TRIM36: variants seen among roughly 807,000 people sequenced by gnomAD.
The protein encoded by TRIM36 is tripartite motif containing 36, also known as E3 ubiquitin-protein ligase TRIM36.
Under a neutral mutation model 72.4 loss-of-function variants are expected in TRIM36, and 42 were observed. The ratio of observed to expected loss-of-function variants is 0.58; its 90% confidence interval spans 0.45 to 0.75. TRIM36 has a LOEUF of 0.75. Ranked by LOEUF, TRIM36 falls within the 30% of genes least tolerant of loss-of-function variation. The pLI is 0.00. For missense variants in TRIM36, 913 were observed against 857.1 expected (o/e 1.07, Z -0.81); for synonymous variants, 315 against 282.8 (o/e 1.11, Z -1.14).
chr5:115,127,135 G>C (rs894060944), intron 9 of TRIM36, among the ~76,000 whole-genome samples: 1 of 152,156 alleles, frequency 6.6e-6, no homozygotes, highest in Non-Finnish European at 1.5e-5. Context: ...AAAAAGTGAG[G>C]GAGCGGGCAG....
chr5:115,161,993 C>G (rs1754510308), intron 2 of TRIM36, among the ~76,000 whole-genome samples: 1 of 152,138 alleles, frequency 6.6e-6, no homozygotes, highest in African/African-American at 2.4e-5. Context: ...TCTGGACAGC[C>G]TTAGTGGGGT....
chr5:115,178,542 C>T (rs1326722429), intron 1 of TRIM36, among the ~76,000 whole-genome samples: 1 of 152,076 alleles, frequency 6.6e-6, no homozygotes, highest in African/African-American at 2.4e-5. Flanking sequence ...AAGGGTGGGC[C>T]GCAATATGCA....
chr5:115,165,538 G>A (rs1189873279), intron 1 of TRIM36, among the ~76,000 whole-genome samples: 1 of 152,194 alleles, frequency 6.6e-6, no homozygotes, highest in East Asian at 1.9e-4. Flanking sequence ...AGCCACAACT[G>A]GTACTGGAAC....
chr5:115,170,782 G>T (rs551349849), upstream of TRIM36, among the ~76,000 whole-genome samples: 3 of 152,348 alleles, frequency 2.0e-5, no homozygotes, highest in East Asian at 3.9e-4. Flanking sequence ...CGCCACCCGG[G>T]CCTACGCTTT....
chr5:115,136,288 G>C (rs2112795070), intron 7 of TRIM36, among the ~76,000 whole-genome samples: 1 of 14,296 alleles, frequency 7.0e-5, no homozygotes, highest in East Asian at 2.1e-3. Flanking sequence ...GAGGAGATTA[G>C]ATCTCTCTCA....
chr5:115,169,476 GCGGGATCCCCACA>G, intron 1 of TRIM36, 119 bp downstream of exon 1: 1 of 989,992 alleles, frequency 1.0e-6, no homozygotes, highest in Non-Finnish European at 1.4e-6. Flanking sequence ...CGAAGAGGAA[GCGGGATCCCCACA>G]CGCCTGCCTT....
At position 115,137,569 on chromosome 5, in the gene TRIM36, C is replaced by G; in HGVS notation, c.879G>C (p.Lys293Asn). 2 of 1,613,424 alleles carry G rather than the reference C, an allele frequency of 1.2e-6. No individual in the cohort carries two copies. The highest frequency in any genetic ancestry group is 1.7e-6 in the Non-Finnish European group (2 of 1,179,818). The change falls in exon 6 of 10, where the codon AAG becomes AAC. Residue 293 changes from lysine (K) to asparagine (N), a missense_variant. Physicochemically the swap from Lys to Asn is moderately conservative, Grantham distance 94. Coordinates refer to ENST00000513154, the MANE Select transcript of TRIM36 (RefSeq NM_001300759.2). ...TCCTCTCTTCCAGAACTTCAAAGAGCTTTTCAAAATGTGTAATTGCTTCTT... is the reference window on the plus strand; with the variant it reads ...TCCTCTCTTCCAGAACTTCAAAGAGGTTTTCAAAATGTGTAATTGCTTCTT... ...AKEEAITHFEKLFEVLEERKS... is the reference protein window; with the variant it reads ...AKEEAITHFENLFEVLEERKS...
At chr5:115,169,531 C>T in intron 1 of TRIM36, 77 bp downstream of exon 1, 2 of 1,448,028 alleles carry the variant, frequency 1.4e-6, no homozygotes, top group South Asian at 2.6e-5. Context: ...CCTCCGGGCT[C>T]CCGGCGGAGG....
Position 115,144,703 on chromosome 5 carries a change from C to A in TRIM36, c.630G>T (p.Met210Ile), listed in dbSNP as rs1431666907. 6.2e-7 allele frequency: 1 copy of A among 1,614,048 alleles called. No homozygotes were observed. Among genetic ancestry groups the A allele is most frequent in the Non-Finnish European group, 8.5e-7 (1 of 1,179,998 alleles). Residue 210 changes from methionine to isoleucine, a missense_variant, in exon 4 of 10, where the codon ATG becomes ATT. Physicochemically the swap from Met to Ile is conservative, Grantham distance 10 (BLOSUM62 1). Coordinates refer to ENST00000513154, the MANE Select transcript of TRIM36 (RefSeq NM_001300759.2). ...CPEHETERIN[M>I]YCELCRRPVC... ...CTGGCCTCCTACATAATTCACAGTACATGTTTATTCTCTCTGTTTCATGTT... is the reference window on the plus strand; with the variant it reads ...CTGGCCTCCTACATAATTCACAGTAAATGTTTATTCTCTCTGTTTCATGTT...
At chr5:115,163,484 C>G in intron 2 of TRIM36, 34 bp downstream of exon 2, 1 of 1,572,838 alleles carries the variant, frequency 6.4e-7, no homozygotes, top group Middle Eastern at 1.7e-4. Context: ...AGCTTACCCC[C>G]ACTACCATCC....
chr5:115,171,416 G>C (rs1296473302), upstream of TRIM36, among the ~76,000 whole-genome samples: 1 of 152,178 alleles, frequency 6.6e-6, no homozygotes, highest in African/African-American at 2.4e-5. Flanking sequence ...CCTTCCCACA[G>C]GTTCTGAAAA....
intron 9 of TRIM36, among the ~76,000 whole-genome samples, 157 bp downstream of exon 9, chr5:115,130,435 T>C (rs1012773382): frequency 1.8e-4 from 27 of 152,198 alleles, no homozygotes; most frequent in Non-Finnish European, 3.7e-4. Context: ...CAATGTGTGA[T>C]TACAAGAATA....
At chr5:115,157,828 C>T (rs1290459130) in intron 2 of TRIM36, among the ~76,000 whole-genome samples, 1 of 152,144 alleles carries the variant, frequency 6.6e-6, no homozygotes, top group Non-Finnish European at 1.5e-5. Flanking sequence ...CTCGATGAGA[C>T]TGGAGACTAT....
intron 1 of TRIM36, among the ~76,000 whole-genome samples, chr5:115,167,279 C>T (rs556891392): frequency 6.6e-6 from 1 of 152,302 alleles, no homozygotes; most frequent in African/African-American, 2.4e-5. Context: ...CCTGTTTGGC[C>T]CTGCCAAACG....
intron 2 of TRIM36, among the ~76,000 whole-genome samples, chr5:115,149,887 T>C (rs1008543741): frequency 6.6e-6 from 1 of 151,942 alleles, no homozygotes; most frequent in African/African-American, 2.4e-5. Context: ...GCCTCCCGAG[T>C]AGCTGGGACT....
chr5:115,172,004 G>C (rs3792863), upstream of TRIM36, among the ~76,000 whole-genome samples: 2 of 151,902 alleles, frequency 1.3e-5, no homozygotes, highest in Non-Finnish European at 2.9e-5. Context: ...GACTTTCTAA[G>C]CCTAATTCTT....
At chr5:115,129,605 G>T (rs1752542937) in intron 9 of TRIM36, among the ~76,000 whole-genome samples, 1 of 152,012 alleles carries the variant, frequency 6.6e-6, no homozygotes, top group African/African-American at 2.4e-5. Flanking sequence ...CCTAAACCAA[G>T]GATTACCAGG....
chr5:115,177,833 G>A, intron 1 of TRIM36: 1 of 1,614,126 alleles, frequency 6.2e-7, no homozygotes, highest in East Asian at 2.2e-5. Context: ...GAAGTCAACC[G>A]GGAATGCTCA....
chr5:115,168,367 T>G (rs1439112235), intron 1 of TRIM36, among the ~76,000 whole-genome samples: 1 of 152,204 alleles, frequency 6.6e-6, no homozygotes, highest in Non-Finnish European at 1.5e-5. Flanking sequence ...ATCCCAGACT[T>G]CATATCTATG....
Sources: gnomAD v4.1 joint callset for allele counts (sites outside exome capture counted in the v4.1 genomes callset) on GRCh38, gnomAD v4.1.1 for gene constraint, MANE v1.5 for transcripts, NCBI Gene and HGNC (gene_info 2026-07-23, HGNC 2026-07-21) for gene names.